Variants in SPATA13 observed in about 807,000 individuals in gnomAD.
The protein encoded by SPATA13 is spermatogenesis associated 13.
SPATA13 carries 50 observed loss-of-function variants against 104.0 expected under a neutral mutation model. The observed-to-expected ratio is 0.48, with a 90% CI of 0.38 to 0.61. SPATA13 has a LOEUF of 0.61. Among genes scored for constraint, SPATA13 ranks in the 20% least tolerant of loss-of-function variants. SPATA13 has a pLI of 0.00. For missense variants in SPATA13, 1,524 were observed against 1,690.6 expected (o/e 0.90, Z 1.73); for synonymous variants, 606 against 667.5 (o/e 0.91, Z 1.42).
intron 3 of SPATA13, among the ~76,000 whole-genome samples, chr13:24,019,639 A>G (rs1876885171): frequency 6.6e-6 from 1 of 152,192 alleles, no homozygotes; most frequent in African/African-American, 2.4e-5. Context: ...TGTACTTTAT[A>G]ATTAGAATAA....
At position 24,189,642 on chromosome 13, in the gene SPATA13, TA is replaced by T. The variant is rs1283695783; in HGVS notation, c.-112+28711del. 9.6e-4 allele frequency among the ~76,000 whole-genome samples: 16 copies of T among 16,656 alleles called. 6 individuals are homozygous for T. Among genetic ancestry groups the T allele is most frequent in the Non-Finnish European group, 3.5e-3 (15 of 4,312 alleles). 10.9% of individuals were successfully genotyped at this position (16,656 alleles called of 152,430 possible). A position where few individuals can be genotyped will look rare whatever the true frequency, so the allele number is the denominator to read the frequency against. On this transcript the variant is annotated intron_variant, in intron 1 of 12. Transcript: ENST00000382108. ...TTTATTATATAAATATATATATTTA[TA>T]TATATATTATATATTATATATTTAT...
chr13:24,201,717 G>T (rs1870415913), intron 1 of SPATA13, among the ~76,000 whole-genome samples: 1 of 152,150 alleles, frequency 6.6e-6, no homozygotes, highest in Admixed American at 6.6e-5. Context: ...GAGATGACAG[G>T]TGTGAGCCAC....
intron 3 of SPATA13, among the ~76,000 whole-genome samples, chr13:24,050,312 ACT>A (rs1878297203): frequency 6.6e-6 from 1 of 152,082 alleles, no homozygotes; most frequent in African/African-American, 2.4e-5. Context: ...TCTTTAATGC[ACT>A]CTAGTTCCTT....
intron 1 of SPATA13, among the ~76,000 whole-genome samples, chr13:24,195,044 A>G (rs1220562): frequency 0.075 from 11,356 of 152,226 alleles, 1,343 homozygotes; most frequent in African/African-American, 0.25. Flanking sequence ...AGCTGTTGCC[A>G]CTGATTCCAG....
chr13:24,087,326 G>A (rs1361396377), intron 3 of SPATA13, among the ~76,000 whole-genome samples: 1 of 152,176 alleles, frequency 6.6e-6, no homozygotes. Context: ...AAGCATTTCT[G>A]TCACAGCAAA....
intron 2 of SPATA13, among the ~76,000 whole-genome samples, chr13:24,016,799 C>T (rs1195281872): frequency 6.6e-6 from 1 of 152,234 alleles, no homozygotes; most frequent in South Asian, 2.1e-4. Flanking sequence ...TGGCTCTGCA[C>T]CCCAAGGCCT....
At chr13:24,098,588 C>G (rs1276949866) in intron 3 of SPATA13, among the ~76,000 whole-genome samples, 1 of 107,878 alleles carries the variant, frequency 9.3e-6, no homozygotes, top group Non-Finnish European at 2.0e-5. Flanking sequence ...TAGAGTGAGA[C>G]TGTCTTAAAA....
chr13:24,156,903 G>C (rs1882271223), upstream of SPATA13, among the ~76,000 whole-genome samples: 1 of 152,158 alleles, frequency 6.6e-6, no homozygotes, highest in African/African-American at 2.4e-5. Flanking sequence ...GGCATCTGTG[G>C]TTCAACCAAC....
At chr13:24,237,886 T>TAATATATAAATATACATGTTTAAATATGC (rs1872644506) in intron 2 of SPATA13, among the ~76,000 whole-genome samples, 1 of 85,226 alleles carries the variant, frequency 1.2e-5, no homozygotes, top group South Asian at 3.8e-4. Flanking sequence ...ATATCATTTA[T>TAATATATAAATATACATGTTTAAATATGC]AATATATAAA....
At position 24,305,526 on chromosome 13, in the gene SPATA13, A is replaced by G. The variant is rs1299434135; in HGVS notation, c.*2753A>G. 1 of 152,214 alleles carries G rather than the reference A, an allele frequency of 6.6e-6. No individual in the cohort carries two copies. The highest frequency in any genetic ancestry group is 1.9e-4 in the East Asian group (1 of 5,198). 9.4% of individuals were successfully genotyped at this position (152,214 alleles called of 1,614,324 possible). A position where few individuals can be genotyped will look rare whatever the true frequency, so the allele number is the denominator to read the frequency against. On this transcript the variant is annotated 3_prime_UTR_variant, in exon 13 of 13. Transcript: ENST00000382108. ...AAGAATGGAAGGCTCAAGTATTCTC[A>G]TCTTCCATTTGCCAAACTTCCTTCC...
intron 3 of SPATA13, among the ~76,000 whole-genome samples, chr13:24,067,323 G>C (rs1387558924): frequency 8.0e-6 from 1 of 124,480 alleles, no homozygotes; most frequent in Non-Finnish European, 1.8e-5. Context: ...CTTGTTCTAT[G>C]CTTCCTGAGC....
At chr13:24,259,623 T>C (rs1873962565) in intron 4 of SPATA13, among the ~76,000 whole-genome samples, 1 of 152,176 alleles carries the variant, frequency 6.6e-6, no homozygotes, top group Non-Finnish European at 1.5e-5. Flanking sequence ...TATTTACTTT[T>C]CTCTATTTAG....
chr13:24,107,139 A>T (rs1355207123), intron 3 of SPATA13, among the ~76,000 whole-genome samples: 1 of 151,244 alleles, frequency 6.6e-6, no homozygotes, highest in Non-Finnish European at 1.5e-5. Flanking sequence ...GGTGAAGGAA[A>T]TACTAGAAAT....
chr13:23,987,889 T>C (rs1875229492), intron 2 of SPATA13, among the ~76,000 whole-genome samples: 2 of 152,140 alleles, frequency 1.3e-5, no homozygotes, highest in African/African-American at 4.8e-5. Flanking sequence ...TTATTTCACA[T>C]AACGCAACGT....
intron 3 of SPATA13, among the ~76,000 whole-genome samples, chr13:24,118,843 C>T (rs189675296): frequency 5.3e-4 from 81 of 152,254 alleles, no homozygotes; most frequent in African/African-American, 1.3e-3. Flanking sequence ...CGCTGGTTCC[C>T]GTGTTCAGTA....
At chr13:24,186,416 G>A (rs553974460) in intron 1 of SPATA13, among the ~76,000 whole-genome samples, 5 of 152,310 alleles carry the variant, frequency 3.3e-5, no homozygotes, top group Admixed American at 3.3e-4. Flanking sequence ...ATGTTTGCTG[G>A]CGACTGATAA....
At chr13:24,268,232 T>C (rs186777520) in intron 4 of SPATA13, among the ~76,000 whole-genome samples, 4 of 152,368 alleles carry the variant, frequency 2.6e-5, no homozygotes, top group Admixed American at 6.5e-5. Context: ...AGATACAATA[T>C]ACAGTGGTTT....
At chr13:24,177,393 G>A (rs554175989) in intron 1 of SPATA13, among the ~76,000 whole-genome samples, 112 of 152,326 alleles carry the variant, frequency 7.4e-4, no homozygotes, top group African/African-American at 2.4e-3. Context: ...CACTGTCGGC[G>A]TGAATGCCTG....
chr13:24,126,244 T>C (rs368713386), intron 3 of SPATA13, among the ~76,000 whole-genome samples: 1 of 152,106 alleles, frequency 6.6e-6, no homozygotes, highest in Non-Finnish European at 1.5e-5. Flanking sequence ...CTGTGACCCA[T>C]GATTGAGTCT....
Sources: gnomAD v4.1 joint callset for allele counts (sites outside exome capture counted in the v4.1 genomes callset) on GRCh38, gnomAD v4.1.1 for gene constraint, MANE v1.5 for transcripts, NCBI Gene and HGNC (gene_info 2026-07-23, HGNC 2026-07-21) for gene names.